The following ANXA8 variants were observed in gnomAD, a reference collection of about 807,000 sequenced individuals.
The protein encoded by ANXA8 is annexin A8.
Under a neutral mutation model 26.8 loss-of-function variants are expected in ANXA8, and 9 were observed. That is an observed-to-expected ratio of 0.34 (90% CI 0.20 to 0.59). ANXA8 has a LOEUF of 0.59. ANXA8 is among the 20% of genes least tolerant of loss of function. The probability of loss-of-function intolerance (pLI) is 0.84; values close to 1 mark genes in which losing one functional copy is unlikely to be tolerated. For missense variants in ANXA8, 83 were observed against 238.5 expected (o/e 0.35, Z 4.29); for synonymous variants, 39 against 94.8 (o/e 0.41, Z 3.42).
At chr10:47,951,811 CAAAAAAAAAAAAA>C in the ANXA8 span, among the ~76,000 whole-genome samples, 37 of 94,562 alleles carry the variant, frequency 3.9e-4, no homozygotes, top group Non-Finnish European at 2.4e-4. Flanking sequence ...ACTCTGTCTC[CAAAAAAAAAAAAA>C]AAAAAAAAAA....
At chr10:47,597,665 G>GA in the ANXA8 span, among the ~76,000 whole-genome samples, 16,105 of 114,204 alleles carry the variant, frequency 0.14, 1,405 homozygotes, top group African/African-American at 0.19. Flanking sequence ...AAGAGCCACA[G>GA]AAAAAAAAAA....
chr10:47,939,050 C>A, the ANXA8 span, among the ~76,000 whole-genome samples: 1 of 145,292 alleles, frequency 6.9e-6, no homozygotes, highest in East Asian at 2.2e-4. Flanking sequence ...CTCCTGGCCA[C>A]CACACTCTCA....
the ANXA8 span, among the ~76,000 whole-genome samples, chr10:47,495,534 C>T: frequency 1.3e-5 from 2 of 149,236 alleles, no homozygotes; most frequent in Non-Finnish European, 3.0e-5. Flanking sequence ...GATCCACCTG[C>T]CTCGGCCTCC....
At chr10:47,664,861 G>A in the ANXA8 span, among the ~76,000 whole-genome samples, 3 of 143,250 alleles carry the variant, frequency 2.1e-5, no homozygotes. Context: ...AAGTAGTTGG[G>A]ACTAAAGGTG....
the ANXA8 span, among the ~76,000 whole-genome samples, chr10:47,604,984 A>G: frequency 2.0e-5 from 3 of 151,320 alleles, no homozygotes; most frequent in Non-Finnish European, 4.4e-5. Context: ...GCATACAGAT[A>G]CTTCATGAGA....
At chr10:47,707,987 G>A in the ANXA8 span, among the ~76,000 whole-genome samples, 1 of 136,978 alleles carries the variant, frequency 7.3e-6, no homozygotes, top group Non-Finnish European at 1.6e-5. Context: ...CATCAGTGGA[G>A]GATTGAATAA....
At chr10:47,554,056 G>C in the ANXA8 span, among the ~76,000 whole-genome samples, 1 of 149,292 alleles carries the variant, frequency 6.7e-6, no homozygotes, top group Admixed American at 6.7e-5. Context: ...AGGATTGCTT[G>C]AGCCCAGGAG....
the ANXA8 span, among the ~76,000 whole-genome samples, chr10:47,746,977 T>C: frequency 1.6e-5 from 2 of 127,030 alleles, no homozygotes; most frequent in Non-Finnish European, 3.3e-5. Flanking sequence ...CCAACACTCA[T>C]TCCAAGAACA....
the ANXA8 span, among the ~76,000 whole-genome samples, chr10:47,591,555 T>C: frequency 7.7e-4 from 108 of 140,574 alleles, 6 homozygotes; most frequent in East Asian, 0.014. Flanking sequence ...GACATTCTCC[T>C]GCCTCAGCCT....
the ANXA8 span, among the ~76,000 whole-genome samples, chr10:47,733,470 C>T: frequency 2.5e-5 from 3 of 121,936 alleles, no homozygotes; most frequent in East Asian, 2.3e-4. Context: ...GATCTGAGGC[C>T]GTAAGTTGTT....
chr10:47,558,763 T>C, the ANXA8 span, among the ~76,000 whole-genome samples: 1 of 151,878 alleles, frequency 6.6e-6, no homozygotes, highest in South Asian at 2.1e-4. Flanking sequence ...TTCCTCCCCC[T>C]AGTTTCTGTT....
chr10:47,687,967 G>A, the ANXA8 span, among the ~76,000 whole-genome samples: 1 of 151,916 alleles, frequency 6.6e-6, no homozygotes, highest in East Asian at 1.9e-4. Context: ...GGGCGTGGTG[G>A]TAGACGGCTG....
At chr10:47,677,393 G>C in the ANXA8 span, among the ~76,000 whole-genome samples, 3 of 151,964 alleles carry the variant, frequency 2.0e-5, no homozygotes, top group Non-Finnish European at 2.9e-5. Flanking sequence ...TAAACAGCTA[G>C]AAAACAGGAC....
chr10:47,901,926 A>G, the ANXA8 span, among the ~76,000 whole-genome samples: 3 of 150,466 alleles, frequency 2.0e-5, no homozygotes, highest in Non-Finnish European at 3.0e-5. Context: ...TATTTAATTT[A>G]CCATAACTTT....
At chr10:47,528,580 G>GAAAGATGGGTTTAATTTTTCCCACA in the ANXA8 span, among the ~76,000 whole-genome samples, 1 of 151,784 alleles carries the variant, frequency 6.6e-6, no homozygotes, top group Non-Finnish European at 1.5e-5. Context: ...TCAACAAAGT[G>GAAAGATGGGTTTAATTTTTCCCACA]AAAGATGGGT....
chr10:47,597,676 A>AG, the ANXA8 span, among the ~76,000 whole-genome samples: 6 of 139,156 alleles, frequency 4.3e-5, 1 homozygote, highest in Non-Finnish European at 7.6e-5. Flanking sequence ...AAAAAAAAAA[A>AG]AAAGAAATAC....
upstream of ANXA8, chr10:47,484,204 A>G (rs3121643): frequency 7.6e-5 from 57 of 753,924 alleles, no homozygotes; most frequent in South Asian, 3.3e-4. Flanking sequence ...TCACTGGCAG[A>G]TATTTGGGCT....
chr10:47,658,013 T>C, the ANXA8 span, among the ~76,000 whole-genome samples: 1 of 151,770 alleles, frequency 6.6e-6, no homozygotes, highest in Non-Finnish European at 1.5e-5. Context: ...GTTTAAATCG[T>C]CTCTAGAACA....
the ANXA8 span, among the ~76,000 whole-genome samples, chr10:47,577,225 A>C: frequency 7.9e-4 from 7 of 8,806 alleles, no homozygotes; most frequent in African/African-American, 2.0e-3. Context: ...ACTCCATCTC[A>C]AAAAAAAAAA....
Sources: allele counts gnomAD v4.1 joint callset (sites outside exome capture counted in the v4.1 genomes callset), GRCh38; gene constraint gnomAD v4.1.1; transcripts MANE v1.5; gene names NCBI Gene and HGNC (gene_info 2026-07-23, HGNC 2026-07-21).